The following ADAM12 variants were observed in gnomAD, a reference collection of about 807,000 sequenced individuals.
ADAM12 encodes disintegrin and metalloproteinase domain-containing protein 12.
Under a neutral mutation model 106.4 loss-of-function variants are expected in ADAM12, and 70 were observed. The ratio of observed to expected loss-of-function variants is 0.66; its 90% CI spans 0.54 to 0.80. ADAM12 has a LOEUF of 0.80. ADAM12 is among the 30% of genes least tolerant of loss of function. The pLI is 0.00. For synonymous variants in ADAM12, 420 were observed against 433.5 expected, an observed-to-expected ratio of 0.97 and a Z score of 0.39; for missense variants, 1,010 against 1,171.9, an observed-to-expected ratio of 0.86 and a Z score of 2.02.
At chr10:126,059,609 T>C (rs1954708438) in intron 14 of ADAM12, among the ~76,000 whole-genome samples, 1 of 152,198 alleles carries the variant, frequency 6.6e-6, no homozygotes, top group Admixed American at 6.5e-5. Flanking sequence ...ACCAAGCTCA[T>C]GTAAACCAGA....
intron 6 of ADAM12, among the ~76,000 whole-genome samples, chr10:126,114,455 C>T (rs1222070126): frequency 1.3e-5 from 2 of 152,058 alleles, no homozygotes; most frequent in Admixed American, 6.5e-5. Context: ...GTGGTGCTGC[C>T]CCGTTCCCCA....
chr10:126,205,291 T>G (rs1198897895), intron 3 of ADAM12, among the ~76,000 whole-genome samples: 1 of 151,096 alleles, frequency 6.6e-6, no homozygotes, highest in Non-Finnish European at 1.5e-5. Flanking sequence ...TTGAGTTGGT[T>G]TTCTGTCACT....
intron 1 of ADAM12, among the ~76,000 whole-genome samples, chr10:126,336,872 C>T (rs1437434332): frequency 6.6e-6 from 1 of 152,156 alleles, no homozygotes; most frequent in Non-Finnish European, 1.5e-5. Flanking sequence ...GAAGACGCAT[C>T]CTGCATCCAC....
intron 3 of ADAM12, among the ~76,000 whole-genome samples, chr10:126,278,206 T>C (rs1350259567): frequency 6.6e-6 from 1 of 152,198 alleles, no homozygotes. Flanking sequence ...ACTAATAAGC[T>C]CTTCTTTTAT....
chr10:126,060,544 T>A (rs1954732121), intron 14 of ADAM12, among the ~76,000 whole-genome samples: 1 of 152,194 alleles, frequency 6.6e-6, no homozygotes, highest in Admixed American at 6.5e-5. Context: ...GTGATCCAGA[T>A]CCTGAAGCAT....
intron 5 of ADAM12, among the ~76,000 whole-genome samples, chr10:126,129,371 G>A (rs1429198066): frequency 1.3e-5 from 2 of 152,250 alleles, no homozygotes; most frequent in Non-Finnish European, 2.9e-5. Context: ...GAAGACGGGT[G>A]CATGGCTGTT....
In ADAM12 at chr10:126,291,625, A is replaced by G. The variant is rs1158727760; in HGVS notation, c.187-12637T>C. On this transcript the variant is annotated intron_variant, in intron 2 of 22. Transcript: ENST00000448723. Reference sequence around the variant, plus strand: ...GTCTTGAGGCATTCATGAGAGCCTCAGCATCAGGAGGGAGATGGCACGGGA... The same window carrying G: ...GTCTTGAGGCATTCATGAGAGCCTCGGCATCAGGAGGGAGATGGCACGGGA... Among the ~76,000 whole-genome samples, 5 of 152,158 alleles carry G rather than the reference A, an allele frequency of 3.3e-5. No homozygotes were observed. In the East Asian group the frequency reaches 9.6e-4, roughly 29 times the overall value.
At chr10:126,129,340 T>C (rs1000810057) in intron 5 of ADAM12, among the ~76,000 whole-genome samples, 4 of 152,230 alleles carry the variant, frequency 2.6e-5, no homozygotes, top group African/African-American at 9.6e-5. Context: ...AGTGGGAACG[T>C]GGCATTTAGG....
chr10:126,291,030 C>T (rs955799618), intron 2 of ADAM12, among the ~76,000 whole-genome samples: 1 of 152,160 alleles, frequency 6.6e-6, no homozygotes, highest in African/African-American at 2.4e-5. Context: ...TTGGAGTGGC[C>T]TCTGAGGCCT....
intron 3 of ADAM12, among the ~76,000 whole-genome samples, chr10:126,248,361 A>G (rs1206664772): frequency 2.0e-5 from 3 of 152,062 alleles, no homozygotes; most frequent in Non-Finnish European, 4.4e-5. Flanking sequence ...ACAAACAACC[A>G]TTTTTGTCTC....
rs974446175 is a variant in ADAM12 at position 126,064,297 on chromosome 10, T to A, written c.1609+509A>T. Among the ~76,000 whole-genome samples, 3 of 152,188 alleles carry A rather than the reference T, an allele frequency of 2.0e-5. No individual in the cohort carries two copies. Among genetic ancestry groups the A allele is most frequent in the Non-Finnish European group, 4.4e-5 (3 of 68,030 alleles). On this transcript the variant is annotated intron_variant, in intron 14 of 22. Coordinates refer to ENST00000448723, the MANE Select transcript of ADAM12 (RefSeq NM_001288973.2). This position sits in a 1 kb window ranked among gnomAD's most constrained non-coding sequence, Gnocchi z 4.4. ...TCAAGTCTGATCAGGGCCTTCCCCATGGAGCCCTGGGCCCCTCACTTGGTT... is the reference window on the plus strand; with the variant it reads ...TCAAGTCTGATCAGGGCCTTCCCCAAGGAGCCCTGGGCCCCTCACTTGGTT...
At chr10:126,236,997 T>C (rs1958430656) in intron 3 of ADAM12, among the ~76,000 whole-genome samples, 2 of 152,152 alleles carry the variant, frequency 1.3e-5, no homozygotes, top group African/African-American at 4.8e-5. Context: ...TCACCATGCA[T>C]TGCCCATTCT....
intron 14 of ADAM12, among the ~76,000 whole-genome samples, chr10:126,059,978 C>T (rs1565022848): frequency 6.6e-6 from 1 of 151,968 alleles, no homozygotes. Flanking sequence ...TAAACGCCAA[C>T]CACACAGTTT....
intron 3 of ADAM12, among the ~76,000 whole-genome samples, chr10:126,231,107 AC>A (rs1958300701): frequency 6.6e-6 from 1 of 152,184 alleles, no homozygotes; most frequent in Non-Finnish European, 1.5e-5. Context: ...GCCCCTATTG[AC>A]TTTTGCCTGC....
intron 1 of ADAM12, among the ~76,000 whole-genome samples, chr10:126,381,449 G>A (rs1168920552): frequency 1.3e-5 from 2 of 151,998 alleles, no homozygotes; most frequent in Non-Finnish European, 2.9e-5. Flanking sequence ...ACCAGCCTGA[G>A]GCAATAGAGT....
chr10:126,148,435 C>A (rs961653971), intron 4 of ADAM12, among the ~76,000 whole-genome samples: 2 of 152,162 alleles, frequency 1.3e-5, no homozygotes, highest in Non-Finnish European at 2.9e-5. Context: ...CTCGGACTCT[C>A]CTTAAGGGGC....
intron 17 of ADAM12, among the ~76,000 whole-genome samples, chr10:126,045,200 C>A (rs1954283391): frequency 1.3e-5 from 2 of 152,198 alleles, no homozygotes; most frequent in Admixed American, 1.3e-4. Context: ...TAGGACTGGA[C>A]TTGATCATCT....
chr10:126,040,166 T>C (rs1283105534), intron 18 of ADAM12, among the ~76,000 whole-genome samples: 1 of 151,794 alleles, frequency 6.6e-6, no homozygotes, highest in Non-Finnish European at 1.5e-5. Context: ...AACCATCAGG[T>C]TGGTTTCTTA....
intron 2 of ADAM12, among the ~76,000 whole-genome samples, chr10:126,280,692 TTCTC>T (rs1341634419): frequency 6.6e-6 from 1 of 152,202 alleles, no homozygotes; most frequent in East Asian, 1.9e-4. Flanking sequence ...AGGAGGTTCT[TTCTC>T]AGTTTTCACT....
Sources: allele counts gnomAD v4.1 joint callset (sites outside exome capture counted in the v4.1 genomes callset), GRCh38; gene constraint gnomAD v4.1.1; non-coding constraint Gnocchi (gnomAD v3.1); transcripts MANE v1.5; gene names NCBI Gene and HGNC (gene_info 2026-07-23, HGNC 2026-07-21).